Variants in KLK4 observed in about 807,000 individuals in gnomAD.
KLK4 encodes kallikrein related peptidase 4, also known as kallikrein-4.
A neutral mutation model predicts 24.3 loss-of-function variants in KLK4; 24 were observed. That is an observed-to-expected ratio of 0.99 (90% CI 0.72 to 1.39). The LOEUF is 1.39. KLK4 is among the 40% of genes most tolerant of loss of function. KLK4 has a pLI of 0.00. For missense variants in KLK4, 344 were observed against 327.4 expected, an observed-to-expected ratio of 1.05 and a Z score of -0.39; for synonymous variants, 142 against 138.8, an observed-to-expected ratio of 1.02 and a Z score of -0.16.
At chr19:50,908,284 C>A in intron 5 of KLK4, 75 bp downstream of exon 5, 3 of 1,561,560 alleles carry the variant, frequency 1.9e-6, no homozygotes, top group East Asian at 2.2e-5. Flanking sequence ...TCTCGCCATG[C>A]GGCCCTGTGT....
In KLK4 at chr19:50,910,623, TAACA is replaced by T. The variant is rs1404072515; in HGVS notation, c.61+51_61+54del. ...AGGACACTGAGTCACACCTGAACAT[TAACA>T]AACACTGTGCCCCCAAGCACGGACA... is the stretch of plus-strand genomic sequence containing the variant. On this transcript the variant is annotated intron_variant, in intron 2 of 5. Transcript: ENST00000324041. This position sits in a 1 kb window ranked among gnomAD's most constrained non-coding sequence, Gnocchi z 4.4. The T allele has an allele frequency of 3.4e-6, 5 of 1,492,428 alleles. No homozygotes were observed. The highest frequency in any genetic ancestry group is 1.2e-5 in the South Asian group (1 of 82,912). 92.4% of individuals were successfully genotyped at this position (1,492,428 alleles called of 1,614,324 possible).
exon 4 of KLK4, chr19:50,908,589 C>T (rs770055692): frequency 2.5e-6 from 4 of 1,614,222 alleles, no homozygotes; most frequent in Non-Finnish European, 3.4e-6. Flanking sequence ...CGTTCGCCAG[C>T]AGACCCCAGC....
chr19:50,909,527 C>A, intron 2 of KLK4, 113 bp from the exon 3 acceptor site: 1 of 1,098,988 alleles, frequency 9.1e-7, no homozygotes, highest in East Asian at 2.5e-5. Context: ...CAGGGCTCCT[C>A]GGGGCGGAGT....
exon 4 of KLK4, chr19:50,908,687 C>T: frequency 6.2e-7 from 1 of 1,614,170 alleles, no homozygotes; most frequent in Non-Finnish European, 8.5e-7. Flanking sequence ...ACGGATTCGT[C>T]CAACTTGATG....
At chr19:50,908,666 C>T in exon 4 of KLK4, 1 of 1,614,224 alleles carries the variant, frequency 6.2e-7, no homozygotes, top group Non-Finnish European at 8.5e-7. Context: ...CGGATGGTGT[C>T]AGACTCGGAC....
At chr19:50,908,131 A>G (rs2090449790) in intron 5 of KLK4, 10 of 600,994 alleles carry the variant, frequency 1.7e-5, no homozygotes, top group Admixed American at 8.3e-5. Context: ...CTGCATTTCT[A>G]TGTGTGTGTG....
chr19:50,909,571 G>A (rs1270829205), intron 2 of KLK4, among the ~76,000 whole-genome samples, 157 bp from the exon 3 acceptor site: 1 of 151,022 alleles, frequency 6.6e-6, no homozygotes, highest in African/African-American at 2.4e-5. Context: ...GGCGGGCCCA[G>A]GGCTCTTGGG....
chr19:50,906,925 T>G (rs1391385646), exon 6 of KLK4: 1 of 1,614,126 alleles, frequency 6.2e-7, no homozygotes. Flanking sequence ...GGGTTCCCAG[T>G]CCCCAGAGTT....
rs774060689 is a variant in KLK4 at position 50,909,234 on chromosome 19, C to G, written c.224+18G>C. 1 of 1,614,100 alleles carries G rather than the reference C, an allele frequency of 6.2e-7. No homozygotes were observed. Among genetic ancestry groups the G allele is most frequent in the Non-Finnish European group, 8.5e-7 (1 of 1,180,004 alleles). ...CCCGGACCCAGGCCCTGCCCACTCC[C>G]CCTACCTCTGCACTCACTTCTGGAA... On this transcript the variant is annotated intron_variant, in intron 3 of 5. Transcript: ENST00000324041.
In KLK4 at chr19:50,910,396, CT is replaced by C. The variant is rs1325352895; in HGVS notation, c.61+281del. 6.6e-6 allele frequency among the ~76,000 whole-genome samples: 1 copy of C among 152,046 alleles called. No homozygotes were observed. Among genetic ancestry groups the C allele is most frequent in the African/African-American group, 2.4e-5 (1 of 41,362 alleles). Reference sequence around the variant, plus strand: ...CAATCTCCTGCACCCTCGGCTTCCCCTGTCCCCATATCATCATTACACTGTT... The same window carrying C: ...CAATCTCCTGCACCCTCGGCTTCCCCGTCCCCATATCATCATTACACTGTT... On this transcript the variant is annotated intron_variant, in intron 2 of 5. Coordinates refer to ENST00000324041, the Ensembl canonical transcript of KLK4. This position sits in a 1 kb window ranked among gnomAD's most constrained non-coding sequence, Gnocchi z 4.4.
Position 50,908,705 on chromosome 19 carries a change from G to C in KLK4, c.349C>G (p.Leu117Val), listed in dbSNP as rs772602967. 1.3e-5 allele frequency: 21 copies of C among 1,614,060 alleles called. No individual in the cohort carries two copies. In the South Asian group the frequency reaches 2.1e-4, roughly 16 times the overall value. Residue 117 changes from leucine (L) to valine (V), a missense_variant, in exon 4 of 6, where the codon CTC becomes GTC. Physicochemically the swap from Leu to Val is conservative, Grantham distance 32. Transcript: ENST00000324041. ...GATTCGTCCAACTTGATGAGCATGA[G>C]GTCGTTAGCGAGCAAGGGTCTGTTG...
intron 3 of KLK4, 148 bp downstream of exon 3, chr19:50,909,104 C>A (rs1246560455): frequency 8.0e-6 from 11 of 1,375,966 alleles, no homozygotes; most frequent in African/African-American, 3.1e-5. Flanking sequence ...CCCAGCCCTT[C>A]CCTCTGGGGC....
At position 50,906,826 on chromosome 19, in the gene KLK4, G is replaced by A. The variant is rs371934713; in HGVS notation, c.*108C>T. Reference sequence around the variant, plus strand: ...TTGGTTTGAGGGAGGAGGGGCTGGGGGCCTGGACTCCTGGGCCTGAGGGAG... The same window carrying A: ...TTGGTTTGAGGGAGGAGGGGCTGGGAGCCTGGACTCCTGGGCCTGAGGGAG... On this transcript the variant is annotated 3_prime_UTR_variant, in exon 6 of 6. Coordinates refer to ENST00000324041, the Ensembl canonical transcript of KLK4. 534 of 1,373,958 alleles carry A rather than the reference G, an allele frequency of 3.9e-4. 9 individuals are homozygous for A. In the South Asian group the frequency reaches 5.7e-3, roughly 15 times the overall value. 85.1% of individuals were successfully genotyped at this position (1,373,958 alleles called of 1,614,324 possible).
In KLK4 at chr19:50,907,404, CTTT is replaced by C. The variant is rs147857832; in HGVS notation, c.613-321_613-319del. On this transcript the variant is annotated intron_variant, in intron 5 of 5. Coordinates refer to ENST00000324041, the Ensembl canonical transcript of KLK4. ...GTGTCTCTGCATCTCTTTGTAAAGT[CTTT>C]TTTTTTTTTTTTTTTTTGAGACAGA... Among the ~76,000 whole-genome samples, 458 of 110,674 alleles carry C rather than the reference CTTT, an allele frequency of 4.1e-3. 3 individuals are homozygous for C. Among genetic ancestry groups the C allele is most frequent in the African/African-American group, 0.011 (309 of 29,080 alleles). The allele number at this position is 110,674 out of a possible 152,430, so 72.6% of individuals were successfully genotyped here.
At position 50,910,560 on chromosome 19, in the gene KLK4, G is replaced by A. The variant is rs896389699; in HGVS notation, c.61+118C>T. ...CACAGCCATGGGGGACGGATAACAC[G>A]GTACCGTCTCACAGGCAGCTTTGCA... On this transcript the variant is annotated intron_variant, in intron 2 of 5. Coordinates refer to ENST00000324041, the Ensembl canonical transcript of KLK4. The surrounding 1 kb of genome is among the most constrained non-coding windows in gnomAD (Gnocchi z 4.4). 6.5e-6 allele frequency: 6 copies of A among 919,144 alleles called. No homozygotes were observed. The South Asian group carries it at 7.0e-5, about 11-fold the overall frequency. The allele number at this position is 919,144 out of a possible 1,614,324, so 56.9% of individuals were successfully genotyped here. A position where few individuals can be genotyped will look rare whatever the true frequency, so the allele number is the denominator to read the frequency against.
At chr19:50,909,008 C>T (rs1007396214) in intron 3 of KLK4, 179 bp from the exon 4 acceptor site, 1 of 1,492,594 alleles carries the variant, frequency 6.7e-7, no homozygotes, top group Non-Finnish European at 8.9e-7. Context: ...GGGACAAGAA[C>T]TTGCCTTAGT....
At position 50,909,411 on chromosome 19, in the gene KLK4, G is replaced by C. The variant is rs1224760405; in HGVS notation, c.65C>G (p.Ser22Trp). 2 of 1,613,872 alleles carry C rather than the reference G, an allele frequency of 1.2e-6. No homozygotes were observed. Among genetic ancestry groups the C allele is most frequent in the African/African-American group, 1.3e-5 (1 of 74,942 alleles). Residue 22 changes from serine to tryptophan, a missense_variant, in exon 3 of 6, where the codon TCG becomes TGG. Physicochemically the swap from Ser to Trp is radical, Grantham distance 177. Transcript: ENST00000324041. Reference sequence around the variant, plus strand: ...TTGGCTGCAGCTACCAGAGACGAGCGATCCTGAGGGCGGAGTCAGGGATGG... The same window carrying C: ...TTGGCTGCAGCTACCAGAGACGAGCCATCCTGAGGGCGGAGTCAGGGATGG...
chr19:50,908,701 A>T, exon 4 of KLK4: 1 of 1,614,178 alleles, frequency 6.2e-7, no homozygotes, highest in Non-Finnish European at 8.5e-7. Flanking sequence ...CTTGATGAGC[A>T]TGAGGTCGTT....
Position 50,909,372 on chromosome 19 carries a change from T to TC in KLK4, c.103dup (p.Glu35GlyfsTer53). 1.1e-5 allele frequency: 17 copies of TC among 1,614,174 alleles called. No homozygotes were observed. The highest frequency in any genetic ancestry group is 1.4e-5 in the Non-Finnish European group (17 of 1,180,008). On this transcript the variant is annotated frameshift_variant, in exon 3 of 6. Transcript: ENST00000324041. LOFTEE classifies it high-confidence loss of function. ...GGGCTGCGAGTGCGGGCTGCAGTCC[T>TC]CGCCGTTTATGATTTGGCTGCAGCT...
Sources: gnomAD v4.1 joint callset for allele counts (sites outside exome capture counted in the v4.1 genomes callset) on GRCh38, gnomAD v4.1.1 for gene constraint, Gnocchi (gnomAD v3.1) non-coding constraint, MANE v1.5 for transcripts, NCBI Gene and HGNC (gene_info 2026-07-23, HGNC 2026-07-21) for gene names.